Variants in GRID1 observed in about 807,000 individuals in gnomAD.
GRID1 encodes the protein glutamate ionotropic receptor delta type subunit 1.
GRID1 carries 28 observed loss-of-function variants against 98.0 expected under a neutral mutation model. The observed-to-expected ratio is 0.29, with a 90% CI of 0.21 to 0.39. The LOEUF is 0.39. Among genes scored for constraint, GRID1 ranks in the 10% least tolerant of loss-of-function variants. The probability of loss-of-function intolerance (pLI) is 1.00; values close to 1 mark genes in which losing one functional copy is unlikely to be tolerated. For missense variants in GRID1, 1,111 were observed against 1,340.5 expected (o/e 0.83, Z 2.67); for synonymous variants, 553 against 538.5 (o/e 1.03, Z -0.37).
rs147143103 is a variant in GRID1 at position 86,159,691 on chromosome 10, A to C, written c.521-20667T>G. Among the ~76,000 whole-genome samples, 734 of 152,312 alleles carry C rather than the reference A, an allele frequency of 4.8e-3. 5 individuals carry two copies. Among genetic ancestry groups the C allele is most frequent in the African/African-American group, 0.017 (707 of 41,564 alleles). ...GCTTCGCTCAGCATGCCTGCTCATC[A>C]TTCATGGGACAGAGGCAGGGGGCAC... On this transcript the variant is annotated intron_variant, in intron 3 of 15. Coordinates refer to ENST00000327946, the MANE Select transcript of GRID1 (RefSeq NM_017551.3).
chr10:85,740,000 C>T (rs1408868372), intron 8 of GRID1, among the ~76,000 whole-genome samples: 1 of 152,130 alleles, frequency 6.6e-6, no homozygotes, highest in African/African-American at 2.4e-5. Context: ...CTAGAGGAAG[C>T]ATTGTTTTTA....
rs543252283 is a variant in GRID1 at position 86,205,878 on chromosome 10, G to A, written c.520+486C>T. ...GTTCCCAACCCCCAACCCCAGCCTG[G>A]CTCCATGACACTCAGGGCATTCCGT... On this transcript the variant is annotated intron_variant, in intron 3 of 15. Coordinates refer to ENST00000327946, the MANE Select transcript of GRID1 (RefSeq NM_017551.3). Among the ~76,000 whole-genome samples the A allele has an allele frequency of 7.9e-5, 12 of 152,142 alleles. No homozygotes were observed. In the South Asian group the frequency reaches 2.3e-3, roughly 29 times the overall value.
At chr10:86,056,636 A>G (rs1407991593) in intron 4 of GRID1, among the ~76,000 whole-genome samples, 1 of 152,236 alleles carries the variant, frequency 6.6e-6, no homozygotes, top group Admixed American at 6.5e-5. Context: ...TTTACAGCCA[A>G]AGAAATGAAG....
intron 13 of GRID1, among the ~76,000 whole-genome samples, chr10:85,624,465 C>G (rs1842889029): frequency 6.6e-6 from 1 of 152,196 alleles, no homozygotes; most frequent in South Asian, 2.1e-4. Flanking sequence ...GGCATAGACA[C>G]CCAACACTCC....
intron 5 of GRID1, among the ~76,000 whole-genome samples, chr10:85,875,458 G>A (rs1324735976): frequency 6.6e-6 from 1 of 151,468 alleles, no homozygotes; most frequent in African/African-American, 2.4e-5. Context: ...TGAATTTTTA[G>A]TAGAAATTTC....
chr10:86,052,522 G>C (rs1259088673), intron 4 of GRID1: 1 of 152,178 alleles, frequency 6.6e-6, no homozygotes, highest in Non-Finnish European at 1.5e-5. Context: ...GGCCTGGTTA[G>C]TACTTGAATG....
intron 5 of GRID1, among the ~76,000 whole-genome samples, chr10:85,912,609 G>A (rs920016859): frequency 6.6e-6 from 1 of 152,252 alleles, no homozygotes; most frequent in African/African-American, 2.4e-5. Flanking sequence ...CACAGCTGGA[G>A]GGCCATGCTG....
chr10:86,053,350 TTTTTTTTG>T lies in GRID1; in HGVS notation c.726+85461_726+85468del, dbSNP rs1486069247. Reference sequence around the variant, plus strand: ...TACTTGTCTCGATTCTTTGCTCCATTTTTTTTTGTTTTTTTGTTTTTTTTTGAGATGGA... The same window carrying T: ...TACTTGTCTCGATTCTTTGCTCCATTTTTTTTTGTTTTTTTTTGAGATGGA... On this transcript the variant is annotated intron_variant, in intron 4 of 15. Transcript: ENST00000327946. Among the ~76,000 whole-genome samples, 4 of 135,578 alleles carry T rather than the reference TTTTTTTTG, an allele frequency of 3.0e-5. No individual in the cohort carries two copies. The East Asian group carries it at 7.4e-4, about 25-fold the overall frequency. 88.9% of individuals were successfully genotyped at this position (135,578 alleles called of 152,430 possible).
At chr10:85,958,710 C>A (rs1242104726) in intron 4 of GRID1, among the ~76,000 whole-genome samples, 1 of 152,116 alleles carries the variant, frequency 6.6e-6, no homozygotes, top group Non-Finnish European at 1.5e-5. Flanking sequence ...GTAATCCCAG[C>A]ACTTCGGGAG....
chr10:86,243,996 GTA>G lies in GRID1; in HGVS notation c.236-37350_236-37349del, dbSNP rs946508272. On this transcript the variant is annotated intron_variant, in intron 2 of 15. Transcript: ENST00000327946. ...ACACGTGTGCTTGTGTGCACTGTGT[GTA>G]CACATATATACATACATGTATACAT... 7.2e-5 allele frequency among the ~76,000 whole-genome samples: 11 copies of G among 152,288 alleles called. No individual in the cohort carries two copies. The South Asian group carries it at 1.2e-3, about 17-fold the overall frequency.
At position 85,703,028 on chromosome 10, in the gene GRID1, G is replaced by C. The variant is rs573571919; in HGVS notation, c.1997+19975C>G. ...AAAAGAGGGGAGAAGAGAGAAAGTT[G>C]TGAGGGGGTAAGAGAGAAAGTAAAA... On this transcript the variant is annotated intron_variant, in intron 12 of 15. Coordinates refer to ENST00000327946, the MANE Select transcript of GRID1 (RefSeq NM_017551.3). 5.9e-5 allele frequency among the ~76,000 whole-genome samples: 9 copies of C among 152,056 alleles called. No homozygotes were observed. The East Asian group carries it at 1.7e-3, about 29-fold the overall frequency.
chr10:85,939,873 C>G (rs969387236), intron 4 of GRID1, among the ~76,000 whole-genome samples: 2 of 151,998 alleles, frequency 1.3e-5, no homozygotes, highest in African/African-American at 4.8e-5. Flanking sequence ...CGAGACCAGC[C>G]TGGCCAACAT....
chr10:85,711,647 T>C (rs534807648), intron 12 of GRID1, among the ~76,000 whole-genome samples: 369 of 151,968 alleles, frequency 2.4e-3, no homozygotes, highest in African/African-American at 8.3e-3. Flanking sequence ...ATTTTACCAA[T>C]AAAAATTTAA....
chr10:85,794,564 G>C (rs1359927328), intron 8 of GRID1, among the ~76,000 whole-genome samples: 1 of 152,220 alleles, frequency 6.6e-6, no homozygotes, highest in African/African-American at 2.4e-5. Flanking sequence ...ATAAACGTTA[G>C]TGTCCAAAGG....
chr10:86,026,389 C>G (rs1214020299), intron 4 of GRID1, among the ~76,000 whole-genome samples: 2 of 152,120 alleles, frequency 1.3e-5, no homozygotes, highest in African/African-American at 4.8e-5. Context: ...CTGAATTGTC[C>G]ATTTCTGAAC....
intron 10 of GRID1, 136 bp downstream of exon 10, chr10:85,727,719 C>T (rs765378209): frequency 1.4e-5 from 9 of 653,534 alleles, no homozygotes; most frequent in Non-Finnish European, 2.5e-5. Flanking sequence ...ACAAAAGAGC[C>T]TTTGTGTGGG....
Position 85,797,609 on chromosome 10 carries a change from ATTTTTTT to A in GRID1, c.1233+56880_1233+56886del, listed in dbSNP as rs746153179. On this transcript the variant is annotated intron_variant, in intron 8 of 15. Transcript: ENST00000327946. ...CACACCCACTGGGGGCTAAATCTGT[ATTTTTTT>A]TTTTTTTTTTTTTTAGTAGAGATGG... Among the ~76,000 whole-genome samples, 13 of 118,000 alleles carry A rather than the reference ATTTTTTT, an allele frequency of 1.1e-4. No homozygotes were observed. The East Asian group carries it at 2.9e-3, about 26-fold the overall frequency. The allele number at this position is 118,000 out of a possible 152,430, so 77.4% of individuals were successfully genotyped here. A position where few individuals can be genotyped will look rare whatever the true frequency, so the allele number is the denominator to read the frequency against.
At chr10:85,664,293 T>A (rs531652657) in intron 12 of GRID1, among the ~76,000 whole-genome samples, 1 of 152,040 alleles carries the variant, frequency 6.6e-6, no homozygotes, top group Admixed American at 6.6e-5. Flanking sequence ...AGTATGAGCA[T>A]CTCTATTGTC....
At chr10:85,739,508 C>T (rs747241327) in intron 8 of GRID1, among the ~76,000 whole-genome samples, 1 of 152,076 alleles carries the variant, frequency 6.6e-6, no homozygotes, top group Admixed American at 6.5e-5. Flanking sequence ...TCACTTGAGC[C>T]CAGGAGTTCC....
Sources: gnomAD v4.1 joint callset for allele counts (sites outside exome capture counted in the v4.1 genomes callset) on GRCh38, gnomAD v4.1.1 for gene constraint, MANE v1.5 for transcripts, NCBI Gene and HGNC (gene_info 2026-07-23, HGNC 2026-07-21) for gene names.